Variants in NEMP2 observed in about 807,000 individuals in gnomAD.
NEMP2 encodes nuclear envelope integral membrane protein 2.
Under a neutral mutation model 54.2 loss-of-function variants are expected in NEMP2, and 53 were observed. That is an observed-to-expected ratio of 0.98 (90% CI 0.78 to 1.23). The LOEUF (loss-of-function observed/expected upper bound fraction) is 1.23, where lower values mean the gene tolerates loss of function less well. Ranked by LOEUF, NEMP2 falls within the 50% of genes most tolerant of loss-of-function variation. The pLI is 0.00. For missense variants in NEMP2, 455 were observed against 511.3 expected, an observed-to-expected ratio of 0.89 and a Z score of 1.06; for synonymous variants, 197 against 190.3, an observed-to-expected ratio of 1.04 and a Z score of -0.29.
the NEMP2 span, chr2:190,608,915 T>C: frequency 6.6e-6 from 1 of 152,114 alleles, no homozygotes; most frequent in Non-Finnish European, 1.5e-5. The surrounding 1 kb of genome is among the most constrained non-coding windows in gnomAD (Gnocchi z 4.9). Flanking sequence ...AAAAAGAAAA[T>C]ATATATAGGG....
the NEMP2 span, chr2:190,465,011 A>C: frequency 3.1e-6 from 2 of 642,268 alleles, no homozygotes; most frequent in Non-Finnish European, 3.9e-6. This position sits in a 1 kb window ranked among gnomAD's most constrained non-coding sequence, Gnocchi z 4.6. Context: ...AATGACTCAT[A>C]ATTCATTGTA....
chr2:190,563,069 A>G, the NEMP2 span, among the ~76,000 whole-genome samples: 9 of 152,272 alleles, frequency 5.9e-5, no homozygotes, highest in African/African-American at 2.2e-4. The surrounding 1 kb of genome is among the most constrained non-coding windows in gnomAD (Gnocchi z 4.3). Context: ...TAGCATTATC[A>G]GCAAAGCTTT....
intron 1 of NEMP2, among the ~76,000 whole-genome samples, chr2:190,526,163 T>C (rs1690928310): frequency 6.6e-6 from 1 of 152,204 alleles, no homozygotes; most frequent in East Asian, 1.9e-4. Flanking sequence ...CCCATGTTAC[T>C]GGAGTCATTG....
the NEMP2 span, among the ~76,000 whole-genome samples, chr2:190,573,296 T>A: frequency 2.0e-5 from 3 of 152,188 alleles, no homozygotes; most frequent in South Asian, 6.2e-4. Context: ...TGTTGACAAA[T>A]ACTCTGTTTT....
At chr2:190,585,758 C>T in the NEMP2 span, among the ~76,000 whole-genome samples, 3 of 152,160 alleles carry the variant, frequency 2.0e-5, no homozygotes, top group Admixed American at 6.6e-5. This position sits in a 1 kb window ranked among gnomAD's most constrained non-coding sequence, Gnocchi z 5.3. Context: ...CTGCCTTCCT[C>T]GAGATATGGG....
the NEMP2 span, among the ~76,000 whole-genome samples, chr2:190,428,298 CA>C: frequency 1.3e-5 from 2 of 152,184 alleles, no homozygotes; most frequent in African/African-American, 4.8e-5. Flanking sequence ...CTGCAGTGAA[CA>C]TGTTTATAGA....
At chr2:190,488,686 T>C in the NEMP2 span, 3 of 1,593,108 alleles carry the variant, frequency 1.9e-6, no homozygotes, top group Admixed American at 5.3e-5. This position sits in a 1 kb window ranked among gnomAD's most constrained non-coding sequence, Gnocchi z 6.4. Flanking sequence ...CTGGGCAGCA[T>C]GCATTTCTTA....
At chr2:190,462,604 G>A in the NEMP2 span, among the ~76,000 whole-genome samples, 36 of 152,288 alleles carry the variant, frequency 2.4e-4, no homozygotes, top group African/African-American at 8.4e-4. The surrounding 1 kb of genome is among the most constrained non-coding windows in gnomAD (Gnocchi z 5.7). Flanking sequence ...GCAACAGACT[G>A]TGATGAGTCC....
chr2:190,514,739 C>T lies in NEMP2; in HGVS notation c.728-61G>A. 6.9e-7 allele frequency: 1 copy of T among 1,456,396 alleles called. No individual in the cohort carries two copies. Among genetic ancestry groups the T allele is most frequent in the South Asian group, 1.2e-5 (1 of 80,674 alleles). The allele number at this position is 1,456,396 out of a possible 1,614,324, so 90.2% of individuals were successfully genotyped here. On this transcript the variant is annotated intron_variant, in intron 6 of 8. Coordinates refer to ENST00000409150, the MANE Select transcript of NEMP2 (RefSeq NM_001142645.2). The surrounding 1 kb of genome is among the most constrained non-coding windows in gnomAD (Gnocchi z 5.7). ...GAATTTGAGACATTATGTGAAAAAC[C>T]TGGCAGAGCCTTGACTTAAAGGTAA... is the stretch of plus-strand genomic sequence containing the variant.
the NEMP2 span, among the ~76,000 whole-genome samples, chr2:190,549,111 C>T: frequency 9.8e-4 from 149 of 152,334 alleles, 2 homozygotes; most frequent in African/African-American, 3.4e-3. Context: ...TTTCCCACAG[C>T]TGAGTATCAC....
chr2:190,566,741 AAG>A, the NEMP2 span, among the ~76,000 whole-genome samples: 4 of 139,514 alleles, frequency 2.9e-5, no homozygotes, highest in East Asian at 4.3e-4. Flanking sequence ...AAAGAAAGAA[AAG>A]AAAAAAAAAG....
upstream of NEMP2, among the ~76,000 whole-genome samples, chr2:190,539,556 A>T (rs1691480060): frequency 6.6e-6 from 1 of 152,130 alleles, no homozygotes. This position sits in a 1 kb window ranked among gnomAD's most constrained non-coding sequence, Gnocchi z 4.1. Flanking sequence ...CATTTTAATA[A>T]TATTAATTAT....
chr2:190,642,804 C>G, the NEMP2 span, among the ~76,000 whole-genome samples: 5 of 151,954 alleles, frequency 3.3e-5, no homozygotes, highest in African/African-American at 1.2e-4. This position sits in a 1 kb window ranked among gnomAD's most constrained non-coding sequence, Gnocchi z 4.1. Flanking sequence ...AGGTCATAAG[C>G]CATAATGTTA....
chr2:190,525,380 TGAGA>T lies in NEMP2; in HGVS notation c.98-6_98-3del. 1.3e-6 allele frequency: 2 copies of T among 1,491,910 alleles called. No homozygotes were observed. The highest frequency in any genetic ancestry group is 4.9e-5 in the East Asian group (2 of 40,436). 92.4% of individuals were successfully genotyped at this position (1,491,910 alleles called of 1,614,324 possible). On this transcript the variant is annotated splice_polypyrimidine_tract_variant and splice_region_variant and intron_variant, in intron 1 of 8. Transcript: ENST00000409150. The surrounding 1 kb of genome is among the most constrained non-coding windows in gnomAD (Gnocchi z 5.0). The stretch of plus-strand genomic sequence containing the variant: ...CCTTCAAAGCTTTACACCTACGAAC[TGAGA>T]GATGGAAAAGGGAATGCATTTTCTA...
In NEMP2 at chr2:190,510,686, C is replaced by T; in HGVS notation, c.954-149G>A. 1 of 716,608 alleles carries T rather than the reference C, an allele frequency of 1.4e-6. No homozygotes were observed. The highest frequency in any genetic ancestry group is 2.3e-6 in the Non-Finnish European group (1 of 435,060). 44.4% of individuals were successfully genotyped at this position (716,608 alleles called of 1,614,324 possible). A position where few individuals can be genotyped will look rare whatever the true frequency, so the allele number is the denominator to read the frequency against. ...CACGAGGTCAGGAGATTGAGACGGT[C>T]CTGGCTAACAAGGTGAAACACTGTC... On this transcript the variant is annotated intron_variant, in intron 7 of 8. Coordinates refer to ENST00000409150, the MANE Select transcript of NEMP2 (RefSeq NM_001142645.2). This position sits in a 1 kb window ranked among gnomAD's most constrained non-coding sequence, Gnocchi z 5.7.
rs537360604 is a variant in NEMP2 at position 190,523,969 on chromosome 2, G to T, written c.213+1294C>A. ...TGTAATCCCAGCATTCTGGGAGGCT[G>T]AGGCAGGCAGATTGCTTGAGTCCCG... On this transcript the variant is annotated intron_variant, in intron 2 of 8. Transcript: ENST00000409150. The surrounding 1 kb of genome is among the most constrained non-coding windows in gnomAD (Gnocchi z 5.3). Among the ~76,000 whole-genome samples the T allele has an allele frequency of 2.6e-5, 4 of 151,974 alleles. No individual in the cohort carries two copies. Among genetic ancestry groups the T allele is most frequent in the Non-Finnish European group, 5.9e-5 (4 of 68,018 alleles).
chr2:190,534,563 T>A lies in NEMP2; in HGVS notation c.93A>T (p.Leu31Phe). 5 of 1,402,182 alleles carry A rather than the reference T, an allele frequency of 3.6e-6. No homozygotes were observed. The highest frequency in any genetic ancestry group is 4.6e-6 in the Non-Finnish European group (5 of 1,082,630). 86.9% of individuals were successfully genotyped at this position (1,402,182 alleles called of 1,614,324 possible). A position where few individuals can be genotyped will look rare whatever the true frequency, so the allele number is the denominator to read the frequency against. ...CCGCCGCCGGTCCCGGGTTACCTGATAACGCTGCCGCCGCCGCCTCCCCGC... is the reference window on the plus strand; with the variant it reads ...CCGCCGCCGGTCCCGGGTTACCTGAAAACGCTGCCGCCGCCGCCTCCCCGC... Reference protein sequence around the residue: ...PVRGEAAAAALSVRRCKALKE... With the variant: ...PVRGEAAAAAFSVRRCKALKE... Residue 31 changes from leucine to phenylalanine, a missense_variant, in exon 1 of 9, where the codon TTA becomes TTT. Around this residue, in one of 3 missense-constraint regions of NEMP2, gnomAD observed 100 missense variants for 80.2 expected, o/e 1.25. Transcript: ENST00000409150.
the NEMP2 span, among the ~76,000 whole-genome samples, chr2:190,571,849 C>T: frequency 1.3e-5 from 2 of 152,116 alleles, no homozygotes; most frequent in African/African-American, 4.8e-5. Context: ...AATGAGATCA[C>T]CTCCCTGCCC....
chr2:190,503,078 T>C (rs1690090214), downstream of NEMP2, among the ~76,000 whole-genome samples: 1 of 152,214 alleles, frequency 6.6e-6, no homozygotes, highest in African/African-American at 2.4e-5. The surrounding 1 kb of genome is among the most constrained non-coding windows in gnomAD (Gnocchi z 6.3). Flanking sequence ...ATGCCTGATA[T>C]GTGTATGTGT....
Sources: allele counts gnomAD v4.1 joint callset (sites outside exome capture counted in the v4.1 genomes callset), GRCh38; gene constraint gnomAD v4.1.1; regional missense constraint gnomAD v4.1.1; non-coding constraint Gnocchi (gnomAD v3.1); transcripts MANE v1.5; gene names NCBI Gene and HGNC (gene_info 2026-07-23, HGNC 2026-07-21).